The following ADGRB3 variants were observed in gnomAD, a reference collection of about 807,000 sequenced individuals.
ADGRB3 encodes brain-specific angiogenesis inhibitor 3.
ADGRB3 carries 37 observed loss-of-function variants against 193.4 expected under a neutral mutation model. The observed-to-expected ratio is 0.19, with a 90% CI of 0.15 to 0.25. The LOEUF (loss-of-function observed/expected upper bound fraction) is 0.25, where lower values mean the gene tolerates loss of function less well. Ranked by LOEUF, ADGRB3 falls within the 10% of genes least tolerant of loss-of-function variation. ADGRB3 has a pLI of 1.00. For missense variants in ADGRB3, 1,637 were observed against 1,852.9 expected (o/e 0.88, Z 2.14); for synonymous variants, 690 against 644.2 (o/e 1.07, Z -1.08).
chr6:68,913,378 G>A (rs944066056), intron 3 of ADGRB3, among the ~76,000 whole-genome samples: 1 of 152,172 alleles, frequency 6.6e-6, no homozygotes, highest in African/African-American at 2.4e-5. Flanking sequence ...AGCAACATTC[G>A]TGGTTCACGA....
chr6:68,884,325 A>G (rs931928522), intron 3 of ADGRB3, among the ~76,000 whole-genome samples: 2 of 152,148 alleles, frequency 1.3e-5, no homozygotes, highest in Non-Finnish European at 2.9e-5. Context: ...ACATTACATA[A>G]TTACACAAAT....
At chr6:68,707,454 C>A (rs1299209867) in intron 3 of ADGRB3, among the ~76,000 whole-genome samples, 2 of 151,906 alleles carry the variant, frequency 1.3e-5, no homozygotes, top group African/African-American at 4.8e-5. Context: ...GAAAATATTC[C>A]CAATATATGC....
intron 20 of ADGRB3, among the ~76,000 whole-genome samples, chr6:69,313,020 C>T (rs1232193503): frequency 6.6e-6 from 1 of 151,828 alleles, no homozygotes. Context: ...TCATTCCCAT[C>T]TTACAAATGA....
intron 3 of ADGRB3, among the ~76,000 whole-genome samples, chr6:68,817,447 C>T (rs1217124595): frequency 1.4e-5 from 2 of 146,420 alleles, no homozygotes; most frequent in Non-Finnish European, 1.5e-5. Flanking sequence ...AGTTTTTTTT[C>T]ACATCTAAGC....
At chr6:68,734,589 T>C (rs1765837100) in intron 3 of ADGRB3, among the ~76,000 whole-genome samples, 1 of 151,996 alleles carries the variant, frequency 6.6e-6, no homozygotes, top group Non-Finnish European at 1.5e-5. Flanking sequence ...GAAAAACATA[T>C]TGTGTAAAAA....
At chr6:69,103,511 T>A (rs1773124955) in intron 17 of ADGRB3, among the ~76,000 whole-genome samples, 1 of 152,050 alleles carries the variant, frequency 6.6e-6, no homozygotes, top group Non-Finnish European at 1.5e-5. Context: ...AAAAAAGAAG[T>A]CTCATTTGCC....
chr6:69,215,947 A>G lies in ADGRB3; in HGVS notation c.2481-17343A>G, dbSNP rs543218914. ...ACATAGATAGTTAATATAAATTCAAATCTCCTATCTACCTTGACTACTTTC... is the reference window on the plus strand; with the variant it reads ...ACATAGATAGTTAATATAAATTCAAGTCTCCTATCTACCTTGACTACTTTC... On this transcript the variant is annotated intron_variant, in intron 17 of 31. Transcript: ENST00000370598. Among the ~76,000 whole-genome samples, 3 of 152,264 alleles carry G rather than the reference A, an allele frequency of 2.0e-5. No homozygotes were observed. The South Asian group carries it at 6.2e-4, about 32-fold the overall frequency.
intron 24 of ADGRB3, among the ~76,000 whole-genome samples, chr6:69,333,732 G>A (rs1768776444): frequency 6.6e-6 from 1 of 150,588 alleles, no homozygotes; most frequent in Non-Finnish European, 1.5e-5. Flanking sequence ...GGCAGATCAC[G>A]AGATCGAGAC....
rs1766292098 is a variant in ADGRB3, at chr6:68,898,128, A to G, written c.758-32431A>G. 2.0e-5 allele frequency among the ~76,000 whole-genome samples: 3 copies of G among 151,976 alleles called. No individual in the cohort carries two copies. The South Asian group carries it at 6.2e-4, about 32-fold the overall frequency. ...TCAGAATATGCTATCTGCAAGGTGG[A>G]GAACCAGGAAAGCCTGTGGTGTACT... On this transcript the variant is annotated intron_variant, in intron 3 of 31. Transcript: ENST00000370598.
rs779426053 is a variant in ADGRB3 at position 68,956,715 on chromosome 6, G to A, written c.1431G>A (p.Arg477=). The A allele has an allele frequency of 2.7e-5, 44 of 1,613,960 alleles. No homozygotes were observed. The highest frequency in any genetic ancestry group is 3.5e-5 in the Non-Finnish European group (41 of 1,179,992). The change falls in exon 8 of 32, where the codon AGG becomes AGA. Residue 477 remains arginine (R), a synonymous_variant. Transcript: ENST00000370598. ...AGTCCTGTGATGGCGGCTGGGAAAG[G>A]CGAATAAGGACCTGTCAGGGTGCAG... ...CSKSCDGGWE[R]RIRTCQGAVI... is the part of the protein sequence containing the mutation.
At chr6:68,667,266 A>G (rs998292304) in intron 3 of ADGRB3, among the ~76,000 whole-genome samples, 2 of 151,868 alleles carry the variant, frequency 1.3e-5, no homozygotes, top group Admixed American at 6.6e-5. Context: ...TTTACAAGTG[A>G]TTATTTGTTC....
At chr6:68,737,199 A>G (rs990772307) in intron 3 of ADGRB3, among the ~76,000 whole-genome samples, 2 of 152,158 alleles carry the variant, frequency 1.3e-5, no homozygotes, top group Non-Finnish European at 2.9e-5. Context: ...AAGAGTTATG[A>G]ATCAAGTATA....
intron 17 of ADGRB3, among the ~76,000 whole-genome samples, chr6:69,083,295 A>G (rs1401007516): frequency 4.6e-5 from 7 of 152,146 alleles, no homozygotes; most frequent in Non-Finnish European, 1.0e-4. Flanking sequence ...TTTTTAGACT[A>G]AAGTATTTGA....
intron 17 of ADGRB3, among the ~76,000 whole-genome samples, chr6:69,132,773 T>C (rs1264871461): frequency 6.6e-6 from 1 of 152,228 alleles, no homozygotes; most frequent in Non-Finnish European, 1.5e-5. Context: ...TATGTTTAAG[T>C]CTTTAATACA....
At chr6:68,886,888 T>C (rs1447643840) in intron 3 of ADGRB3, among the ~76,000 whole-genome samples, 1 of 152,000 alleles carries the variant, frequency 6.6e-6, no homozygotes, top group Non-Finnish European at 1.5e-5. Flanking sequence ...GTCTCCTGAA[T>C]TAATAATTGT....
intron 10 of ADGRB3, among the ~76,000 whole-genome samples, chr6:68,988,132 C>T (rs186812588): frequency 2.6e-5 from 4 of 151,954 alleles, no homozygotes; most frequent in African/African-American, 4.8e-5. Context: ...TGTCACATAG[C>T]GTTTTAGAGA....
intron 3 of ADGRB3, among the ~76,000 whole-genome samples, chr6:68,727,594 A>G (rs1399818005): frequency 6.6e-6 from 1 of 151,546 alleles, no homozygotes; most frequent in Admixed American, 6.6e-5. Flanking sequence ...TTTTTCCTGA[A>G]AAGTCACTCT....
At chr6:68,784,744 T>A (rs1429876852) in intron 3 of ADGRB3, among the ~76,000 whole-genome samples, 1 of 152,150 alleles carries the variant, frequency 6.6e-6, no homozygotes, top group Non-Finnish European at 1.5e-5. Context: ...AAAATTATTT[T>A]CCTGCCTTCT....
At chr6:69,336,923 T>C (rs975776938) in intron 24 of ADGRB3, among the ~76,000 whole-genome samples, 2 of 152,120 alleles carry the variant, frequency 1.3e-5, no homozygotes, top group African/African-American at 4.8e-5. Context: ...CATCCAGTAA[T>C]AGAATGCCAA....
Sources: gnomAD v4.1 joint callset for allele counts (sites outside exome capture counted in the v4.1 genomes callset) on GRCh38, gnomAD v4.1.1 for gene constraint, MANE v1.5 for transcripts, NCBI Gene and HGNC (gene_info 2026-07-23, HGNC 2026-07-21) for gene names.